Variants in PLCL2 observed in about 807,000 individuals in gnomAD.
PLCL2 encodes the protein phospholipase C like 2.
PLCL2 carries 4 observed loss-of-function variants against 79.6 expected under a neutral mutation model. The observed-to-expected ratio is 0.05, with a 90% CI of 0.02 to 0.11. The LOEUF is 0.11. Ranked by LOEUF, PLCL2 falls within the 10% of genes least tolerant of loss-of-function variation. The pLI, the probability that PLCL2 is intolerant of heterozygous loss-of-function variation, is 1.00. For missense variants in PLCL2, 895 were observed against 1,291.0 expected, an observed-to-expected ratio of 0.69 and a Z score of 4.70; for synonymous variants, 484 against 457.7, an observed-to-expected ratio of 1.06 and a Z score of -0.73.
At chr3:16,893,167 A>T (rs1312671194) in intron 1 of PLCL2, among the ~76,000 whole-genome samples, 1 of 152,226 alleles carries the variant, frequency 6.6e-6, no homozygotes, top group Non-Finnish European at 1.5e-5. Flanking sequence ...CTGATCTGCA[A>T]ACCAGGACCT....
Position 16,999,695 on chromosome 3 carries a change from A to C in PLCL2, c.328-9979A>C, listed in dbSNP as rs73816269. 3.8e-3 allele frequency among the ~76,000 whole-genome samples: 586 copies of C among 152,340 alleles called. 6 individuals carry two copies. The highest frequency in any genetic ancestry group is 0.013 in the African/African-American group (553 of 41,590). Reference sequence around the variant, plus strand: ...GTGATTCCTAAACTAGAAAGTTGATAAACTATTGAATTATTTTGTTCTACT... The same window carrying C: ...GTGATTCCTAAACTAGAAAGTTGATCAACTATTGAATTATTTTGTTCTACT... On this transcript the variant is annotated intron_variant, in intron 1 of 5. Transcript: ENST00000615277.
chr3:16,948,460 G>C (rs181371706), intron 1 of PLCL2, among the ~76,000 whole-genome samples: 1 of 152,252 alleles, frequency 6.6e-6, no homozygotes, highest in Admixed American at 6.5e-5. Context: ...GATGATTGCA[G>C]AACTCTGTGA....
chr3:16,919,497 C>G (rs1575528832), intron 1 of PLCL2, among the ~76,000 whole-genome samples: 1 of 152,018 alleles, frequency 6.6e-6, no homozygotes, highest in East Asian at 1.9e-4. Flanking sequence ...ATGTATTGTT[C>G]TATTGTATCC....
At chr3:16,942,176 G>C (rs964918314) in intron 1 of PLCL2, among the ~76,000 whole-genome samples, 3 of 152,192 alleles carry the variant, frequency 2.0e-5, no homozygotes, top group African/African-American at 7.2e-5. Context: ...TCCTTGTCCA[G>C]TGGACCAATA....
intron 1 of PLCL2, among the ~76,000 whole-genome samples, chr3:16,929,477 A>G (rs1697344785): frequency 6.6e-6 from 1 of 152,142 alleles, no homozygotes; most frequent in Non-Finnish European, 1.5e-5. Flanking sequence ...TGCATACTCA[A>G]CTCACTTTGC....
intron 1 of PLCL2, among the ~76,000 whole-genome samples, chr3:16,902,823 T>C (rs886388913): frequency 1.7e-5 from 2 of 115,422 alleles, no homozygotes; most frequent in African/African-American, 4.1e-5. Flanking sequence ...CTACACTCCA[T>C]CTCAAAAAAA....
intron 4 of PLCL2, among the ~76,000 whole-genome samples, chr3:17,058,216 C>T (rs544914034): frequency 1.1e-4 from 17 of 152,192 alleles, no homozygotes; most frequent in South Asian, 2.1e-4. Flanking sequence ...AATACAGCCC[C>T]GGCCAGCAGC....
chr3:16,983,681 G>A (rs1417149840), intron 1 of PLCL2, among the ~76,000 whole-genome samples: 1 of 152,146 alleles, frequency 6.6e-6, no homozygotes, highest in Non-Finnish European at 1.5e-5. Flanking sequence ...AACCAAATGA[G>A]ATGGTGAGAA....
chr3:17,059,520 A>G (rs1357576879), intron 4 of PLCL2, among the ~76,000 whole-genome samples: 3 of 151,704 alleles, frequency 2.0e-5, no homozygotes, highest in Non-Finnish European at 4.4e-5. Flanking sequence ...ACACATATAC[A>G]TATATATACT....
chr3:16,993,863 C>T (rs1159990628), intron 1 of PLCL2, among the ~76,000 whole-genome samples: 1 of 152,108 alleles, frequency 6.6e-6, no homozygotes, highest in Non-Finnish European at 1.5e-5. Context: ...GTTTTATAGT[C>T]TATATAAAAT....
intron 1 of PLCL2, among the ~76,000 whole-genome samples, chr3:16,937,924 T>C (rs1575539772): frequency 6.6e-6 from 1 of 152,360 alleles, no homozygotes; most frequent in Admixed American, 6.5e-5. Context: ...TAAATTGGAT[T>C]TTTTTGTAAT....
chr3:16,928,879 T>A (rs999606772), intron 1 of PLCL2, among the ~76,000 whole-genome samples: 3 of 152,150 alleles, frequency 2.0e-5, no homozygotes, highest in Non-Finnish European at 4.4e-5. Context: ...AATTTGCTTC[T>A]TGGAGGTTGT....
intron 4 of PLCL2, among the ~76,000 whole-genome samples, chr3:17,056,504 A>G (rs2064893821): frequency 2.0e-5 from 3 of 152,204 alleles, no homozygotes. Context: ...GAACAAATGC[A>G]TTCTAAGAAT....
Position 17,067,953 on chromosome 3 carries a change from C to T in PLCL2, c.3095-3C>T. The T allele has an allele frequency of 1.3e-6, 2 of 1,558,910 alleles. No individual in the cohort carries two copies. Among genetic ancestry groups the T allele is most frequent in the Non-Finnish European group, 1.8e-6 (2 of 1,136,428 alleles). On this transcript the variant is annotated splice_polypyrimidine_tract_variant and splice_region_variant and intron_variant, in intron 4 of 5. Coordinates refer to ENST00000615277, the MANE Select transcript of PLCL2 (RefSeq NM_001144382.2). ...TATACTTTGTCTTTTTTATTTCTTT[C>T]AGCCATGGAATTCCATGAACACTTG...
chr3:17,074,217 T>A (rs1422636061), intron 5 of PLCL2, among the ~76,000 whole-genome samples: 1 of 152,232 alleles, frequency 6.6e-6, no homozygotes, highest in Non-Finnish European at 1.5e-5. Context: ...TTAGCAGGCA[T>A]GAAAGCAATA....
Position 17,009,715 on chromosome 3 carries a change from A to G in PLCL2, c.369A>G (p.Ser123=), listed in dbSNP as rs953039293. ...KQKRERKKTV[S]FSSMPTEKKI... is the part of the protein sequence containing the mutation. The stretch of plus-strand genomic sequence containing the variant: ...AGAGGGAACGGAAAAAGACAGTCTC[A>G]TTCAGCAGCATGCCAACAGAGAAGA... Residue 123 remains serine, a synonymous_variant, in exon 2 of 6, where the codon TCA becomes TCG. Coordinates refer to ENST00000615277, the MANE Select transcript of PLCL2 (RefSeq NM_001144382.2). The surrounding 1 kb of genome is among the most constrained non-coding windows in gnomAD (Gnocchi z 4.0). 2.5e-6 allele frequency: 4 copies of G among 1,609,102 alleles called. No homozygotes were observed. Among genetic ancestry groups the G allele is most frequent in the Non-Finnish European group, 3.4e-6 (4 of 1,175,666 alleles).
intron 1 of PLCL2, among the ~76,000 whole-genome samples, chr3:16,903,231 A>T (rs1030682641): frequency 6.6e-6 from 1 of 152,188 alleles, no homozygotes; most frequent in Non-Finnish European, 1.5e-5. Flanking sequence ...CATGATTAAT[A>T]ATTTTTTCCC....
intron 4 of PLCL2, among the ~76,000 whole-genome samples, chr3:17,043,451 A>G (rs1268923148): frequency 6.6e-6 from 1 of 152,216 alleles, no homozygotes; most frequent in Non-Finnish European, 1.5e-5. Context: ...ATGTTATACC[A>G]GACTATAAAA....
chr3:17,008,585 G>A (rs2064286482), intron 1 of PLCL2, among the ~76,000 whole-genome samples: 1 of 152,000 alleles, frequency 6.6e-6, no homozygotes, highest in Admixed American at 6.6e-5. Flanking sequence ...AGGTAACCCA[G>A]ATGATTCTGA....
Sources: gnomAD v4.1 joint callset for allele counts (sites outside exome capture counted in the v4.1 genomes callset) on GRCh38, gnomAD v4.1.1 for gene constraint, Gnocchi (gnomAD v3.1) non-coding constraint, MANE v1.5 for transcripts, NCBI Gene and HGNC (gene_info 2026-07-23, HGNC 2026-07-21) for gene names.